The following SHISA8 variants were observed in gnomAD, a reference collection of about 807,000 sequenced individuals.
The protein encoded by SHISA8 is shisa family member 8, also known as protein shisa-8.
Under a neutral mutation model 21.1 loss-of-function variants are expected in SHISA8, and 21 were observed. That is an observed-to-expected ratio of 0.99 (90% CI 0.71 to 1.43). SHISA8 has a LOEUF of 1.43. Ranked by LOEUF, SHISA8 falls within the 40% of genes most tolerant of loss-of-function variation. The pLI, the probability that SHISA8 is intolerant of heterozygous loss-of-function variation, is 0.00. For missense variants in SHISA8, 535 were observed against 599.1 expected (o/e 0.89, Z 1.12); for synonymous variants, 300 against 291.4 (o/e 1.03, Z -0.30).
At position 41,914,503 on chromosome 22, in the gene SHISA8, C is replaced by T. The variant is rs1452802199; in HGVS notation, c.165G>A (p.Glu55=). 7.9e-7 allele frequency: 1 copy of T among 1,261,880 alleles called. No homozygotes were observed. The highest frequency in any genetic ancestry group is 1.0e-6 in the Non-Finnish European group (1 of 1,003,088). The allele number at this position is 1,261,880 out of a possible 1,614,324, so 78.2% of individuals were successfully genotyped here. A position where few individuals can be genotyped will look rare whatever the true frequency, so the allele number is the denominator to read the frequency against. Residue 55 remains glutamate (E), a synonymous_variant, in exon 1 of 4, where the codon GAG becomes GAA. Transcript: ENST00000621082. This position sits in a 1 kb window ranked among gnomAD's most constrained non-coding sequence, Gnocchi z 6.8. The part of the protein sequence containing the change: ...GPAAPGTTAP[E]GGDRCRGYYD... ...AGTAGCCGCGGCAGCGGTCGCCCCC[C>T]TCCGGGGCTGTCGTGCCGGGCGCCG...
chr22:41,909,745 G>A lies in SHISA8; in HGVS notation c.*20C>T, dbSNP rs2077534113. The A allele has an allele frequency of 9.1e-6, 13 of 1,426,906 alleles. No individual in the cohort carries two copies. Among genetic ancestry groups the A allele is most frequent in the Non-Finnish European group, 1.2e-5 (13 of 1,088,038 alleles). 88.4% of individuals were successfully genotyped at this position (1,426,906 alleles called of 1,614,324 possible). A position where few individuals can be genotyped will look rare whatever the true frequency, so the allele number is the denominator to read the frequency against. The stretch of plus-strand genomic sequence containing the variant: ...CAGACAGGACCCCAGCCCATGCCTC[G>A]AGGGCACCGCGGCCCCGCTTCACAC... On this transcript the variant is annotated 3_prime_UTR_variant, in exon 4 of 4. Transcript: ENST00000621082.
Position 41,910,322 on chromosome 22 carries a change from T to C in SHISA8, c.811+86A>G. The C allele has an allele frequency of 1.6e-6, 2 of 1,249,874 alleles. No individual in the cohort carries two copies. The highest frequency in any genetic ancestry group is 5.8e-5 in the South Asian group (2 of 34,202). 77.4% of individuals were successfully genotyped at this position (1,249,874 alleles called of 1,614,324 possible). ...CGGCGGGCGCGCGGAACTGGGAATT[T>C]GGCGCTTGGAGCTGCGGCCCCGCGC... On this transcript the variant is annotated intron_variant, in intron 3 of 3. Transcript: ENST00000621082. This position sits in a 1 kb window ranked among gnomAD's most constrained non-coding sequence, Gnocchi z 6.8.
chr22:41,914,524 C>T lies in SHISA8; in HGVS notation c.144G>A (p.Ala48=), dbSNP rs2077573505. The T allele has an allele frequency of 2.5e-6, 3 of 1,209,180 alleles. No individual in the cohort carries two copies. Among genetic ancestry groups the T allele is most frequent in the Non-Finnish European group, 3.1e-6 (3 of 973,550 alleles). The allele number at this position is 1,209,180 out of a possible 1,614,324, so 74.9% of individuals were successfully genotyped here. Residue 48 remains alanine (A), a synonymous_variant, in exon 1 of 4, where the codon GCG becomes GCA. Coordinates refer to ENST00000621082, the MANE Select transcript of SHISA8 (RefSeq NM_001207020.3). This position sits in a 1 kb window ranked among gnomAD's most constrained non-coding sequence, Gnocchi z 6.8. The stretch of plus-strand genomic sequence containing the variant: ...CCCCCTCCGGGGCTGTCGTGCCGGG[C>T]GCCGCGGGACCCTGCGCCTCGGGGG... The part of the protein sequence containing the change: ...AGAPEAQGPA[A]PGTTAPEGGD...
At position 41,914,343 on chromosome 22, in the gene SHISA8, A is replaced by C. The variant is rs955119469; in HGVS notation, c.325T>G (p.Tyr109Asp). The C allele has an allele frequency of 8.1e-7, 1 of 1,227,774 alleles. No individual in the cohort carries two copies. Among genetic ancestry groups the C allele is most frequent in the Non-Finnish European group, 1.0e-6 (1 of 984,296 alleles). The allele number at this position is 1,227,774 out of a possible 1,614,324, so 76.1% of individuals were successfully genotyped here. ...GTCTGGACCCAGGCCGGCGTGTCGTAGTTGGAACAGCGGCTCTGGTCGAGG... is the reference window on the plus strand; with the variant it reads ...GTCTGGACCCAGGCCGGCGTGTCGTCGTTGGAACAGCGGCTCTGGTCGAGG... ...RRLDQSRCSN[Y>D]DTPAWVQTGR... The change falls in exon 1 of 4, where the codon TAC becomes GAC. Residue 109 changes from tyrosine to aspartate, a missense_variant. Coordinates refer to ENST00000621082, the MANE Select transcript of SHISA8 (RefSeq NM_001207020.3). The surrounding 1 kb of genome is among the most constrained non-coding windows in gnomAD (Gnocchi z 6.8).
rs2077543086 is a variant in SHISA8, at chr22:41,910,485, T to C, written c.734A>G (p.Gln245Arg). 3 of 1,269,206 alleles carry C rather than the reference T, an allele frequency of 2.4e-6. No homozygotes were observed. The highest frequency in any genetic ancestry group is 3.0e-6 in the Non-Finnish European group (3 of 1,014,912). The allele number at this position is 1,269,206 out of a possible 1,614,324, so 78.6% of individuals were successfully genotyped here. A position where few individuals can be genotyped will look rare whatever the true frequency, so the allele number is the denominator to read the frequency against. The change falls in exon 3 of 4, where the codon CAG (glutamine) becomes CGG (arginine). Residue 245 changes from glutamine to arginine, a missense_variant. Transcript: ENST00000621082. The surrounding 1 kb of genome is among the most constrained non-coding windows in gnomAD (Gnocchi z 6.8). ...APGPPRGPRLQGGGSLTLQPD... is the reference protein window; with the variant it reads ...APGPPRGPRLRGGGSLTLQPD... The stretch of plus-strand genomic sequence containing the variant: ...CTGCAGCGTCAGGCTGCCGCCGCCC[T>C]GCAGCCGCGGGCCGCGCGGGGGCCC...
At chr22:41,911,519 C>T (rs1342912686) in intron 1 of SHISA8, among the ~76,000 whole-genome samples, 170 bp from the exon 2 acceptor site, 2 of 152,190 alleles carry the variant, frequency 1.3e-5, no homozygotes, top group Non-Finnish European at 2.9e-5. Flanking sequence ...CAGTATCTGC[C>T]AGCCTCACCT....
chr22:41,914,520 C>G lies in SHISA8; in HGVS notation c.148G>C (p.Gly50Arg), dbSNP rs980788512. 3 of 1,220,088 alleles carry G rather than the reference C, an allele frequency of 2.5e-6. No individual in the cohort carries two copies. Among genetic ancestry groups the G allele is most frequent in the South Asian group, 3.7e-5 (1 of 27,292 alleles). 75.6% of individuals were successfully genotyped at this position (1,220,088 alleles called of 1,614,324 possible). A position where few individuals can be genotyped will look rare whatever the true frequency, so the allele number is the denominator to read the frequency against. The change falls in exon 1 of 4, where the codon GGC (glycine) becomes CGC (arginine). Residue 50 changes from glycine to arginine, a missense_variant. Physicochemically the swap from Gly to Arg is moderately radical, Grantham distance 125. Transcript: ENST00000621082. This position sits in a 1 kb window ranked among gnomAD's most constrained non-coding sequence, Gnocchi z 6.8. ...APEAQGPAAPGTTAPEGGDRC... is the reference protein window; with the variant it reads ...APEAQGPAAPRTTAPEGGDRC... ...TCGCCCCCCTCCGGGGCTGTCGTGC[C>G]GGGCGCCGCGGGACCCTGCGCCTCG...
Position 41,910,376 on chromosome 22 carries a change from G to A in SHISA8, c.811+32C>T. The A allele has an allele frequency of 1.6e-6, 2 of 1,246,580 alleles. No homozygotes were observed. The highest frequency in any genetic ancestry group is 2.6e-5 in the South Asian group (1 of 38,922). The allele number at this position is 1,246,580 out of a possible 1,614,324, so 77.2% of individuals were successfully genotyped here. On this transcript the variant is annotated intron_variant, in intron 3 of 3. Coordinates refer to ENST00000621082, the MANE Select transcript of SHISA8 (RefSeq NM_001207020.3). The surrounding 1 kb of genome is among the most constrained non-coding windows in gnomAD (Gnocchi z 6.8). ...GCAGTCCGGGAGCTCGTGCGCCCAG[G>A]TGCCCTGACGCTGCCCGCACCCGCC...
rs905544828 is a variant in SHISA8, at chr22:41,909,847, G to A, written c.1112C>T (p.Pro371Leu). 66 of 1,530,234 alleles carry A rather than the reference G, an allele frequency of 4.3e-5. No homozygotes were observed. Among genetic ancestry groups the A allele is most frequent in the Non-Finnish European group, 5.4e-5 (62 of 1,144,484 alleles). The allele number at this position is 1,530,234 out of a possible 1,614,324, so 94.8% of individuals were successfully genotyped here. The change falls in exon 4 of 4, where the codon CCG becomes CTG. Residue 371 changes from proline (P) to leucine (L), a missense_variant. Transcript: ENST00000621082. ...FSVKMPETFN[P>L]QLPGLYGSAG... is the part of the protein sequence containing the mutation. ...GCTGCCGTAAAGGCCGGGGAGCTGCGGGTTGAAGGTCTCAGGCATCTTCAC... is the reference window on the plus strand; with the variant it reads ...GCTGCCGTAAAGGCCGGGGAGCTGCAGGTTGAAGGTCTCAGGCATCTTCAC...
rs1430553784 is a variant in SHISA8 at position 41,914,968 on chromosome 22, C to T, written c.-301G>A. 6.6e-6 allele frequency among the ~76,000 whole-genome samples: 1 copy of T among 151,696 alleles called. No individual in the cohort carries two copies. The highest frequency in any genetic ancestry group is 2.4e-5 in the African/African-American group (1 of 41,374). Reference sequence around the variant, plus strand: ...CTGCGCGCGGCCCCCGGCTTCTCCCCGGCCCGGCAGGTGTGCGGGTCTTGG... The same window carrying T: ...CTGCGCGCGGCCCCCGGCTTCTCCCTGGCCCGGCAGGTGTGCGGGTCTTGG... On this transcript the variant is annotated 5_prime_UTR_variant, in exon 1 of 4. Coordinates refer to ENST00000621082, the MANE Select transcript of SHISA8 (RefSeq NM_001207020.3). The surrounding 1 kb of genome is among the most constrained non-coding windows in gnomAD (Gnocchi z 6.8).
rs1347224877 is a variant in SHISA8 at position 41,910,047 on chromosome 22, C to T, written c.912G>A (p.Ala304=). 4.8e-6 allele frequency: 6 copies of T among 1,254,972 alleles called. No homozygotes were observed. Among genetic ancestry groups the T allele is most frequent in the Non-Finnish European group, 6.0e-6 (6 of 1,005,178 alleles). 77.7% of individuals were successfully genotyped at this position (1,254,972 alleles called of 1,614,324 possible). A position where few individuals can be genotyped will look rare whatever the true frequency, so the allele number is the denominator to read the frequency against. The change falls in exon 4 of 4, where the codon GCG becomes GCA. Residue 304 remains alanine (A), a synonymous_variant. Coordinates refer to ENST00000621082, the MANE Select transcript of SHISA8 (RefSeq NM_001207020.3). This position sits in a 1 kb window ranked among gnomAD's most constrained non-coding sequence, Gnocchi z 6.8. ...GGGCCCAGGGGCAGGCGTCCAGCGGCGCAGGCAAGTCCGGGGATGGTCGCG... is the reference window on the plus strand; with the variant it reads ...GGGCCCAGGGGCAGGCGTCCAGCGGTGCAGGCAAGTCCGGGGATGGTCGCG... The part of the protein sequence containing the change: ...RAPRPSPDLP[A]PLDACPWAPP...
chr22:41,914,095 A>G lies in SHISA8; in HGVS notation c.530+43T>C. On this transcript the variant is annotated intron_variant, in intron 1 of 3. Transcript: ENST00000621082. The surrounding 1 kb of genome is among the most constrained non-coding windows in gnomAD (Gnocchi z 6.8). ...GGAAGGATCAGCGGGCAGGGAGAGC[A>G]GTCCGAGGAGCAGGCGGGGGTCCCT... 2 of 1,353,662 alleles carry G rather than the reference A, an allele frequency of 1.5e-6. No individual in the cohort carries two copies. Among genetic ancestry groups the G allele is most frequent in the Non-Finnish European group, 1.9e-6 (2 of 1,057,734 alleles). 83.9% of individuals were successfully genotyped at this position (1,353,662 alleles called of 1,614,324 possible). A position where few individuals can be genotyped will look rare whatever the true frequency, so the allele number is the denominator to read the frequency against.
chr22:41,910,661 G>A lies in SHISA8; in HGVS notation c.665-107C>T, dbSNP rs1037400618. 12 of 1,171,552 alleles carry A rather than the reference G, an allele frequency of 1.0e-5. No individual in the cohort carries two copies. In the African/African-American group the frequency reaches 1.8e-4, roughly 17 times the overall value. The allele number at this position is 1,171,552 out of a possible 1,614,324, so 72.6% of individuals were successfully genotyped here. ...CCGAGGCCGTTCGGTGAGAACCTGG[G>A]GGACCGTTCTCCGGGCGAGGCTGCG... is the stretch of plus-strand genomic sequence containing the variant. On this transcript the variant is annotated intron_variant, in intron 2 of 3. Transcript: ENST00000621082. This position sits in a 1 kb window ranked among gnomAD's most constrained non-coding sequence, Gnocchi z 6.8.
At chr22:41,912,035 A>ACAGG (rs1344992267) in intron 1 of SHISA8, among the ~76,000 whole-genome samples, 1 of 152,168 alleles carries the variant, frequency 6.6e-6, no homozygotes, top group East Asian at 1.9e-4. Context: ...CCGGCCCAGG[A>ACAGG]TGCCTTATTT....
chr22:41,913,851 A>G (rs368744976), intron 1 of SHISA8, among the ~76,000 whole-genome samples: 191 of 152,060 alleles, frequency 1.3e-3, no homozygotes, highest in African/African-American at 4.4e-3. Context: ...GTGCAAGGCT[A>G]CCTGTCCCCC....
At position 41,909,990 on chromosome 22, in the gene SHISA8, G is replaced by T. The variant is rs556563500; in HGVS notation, c.969C>A (p.Gly323=). Residue 323 remains glycine, a synonymous_variant, in exon 4 of 4, where the codon GGC becomes GGA. Transcript: ENST00000621082. Reference sequence around the variant, plus strand: ...GACTGGAGGTCCAGGCGGCATAGGGGCCCGGCGCGGCAGGGGGCGCGTAGA... The same window carrying T: ...GACTGGAGGTCCAGGCGGCATAGGGTCCCGGCGCGGCAGGGGGCGCGTAGA... ...PPVYAPPAAP[G]PYAAWTSSRP... 8 of 1,320,296 alleles carry T rather than the reference G, an allele frequency of 6.1e-6. No individual in the cohort carries two copies. In the Admixed American group the frequency reaches 2.1e-4, roughly 34 times the overall value. The allele number at this position is 1,320,296 out of a possible 1,614,324, so 81.8% of individuals were successfully genotyped here. A position where few individuals can be genotyped will look rare whatever the true frequency, so the allele number is the denominator to read the frequency against.
chr22:41,911,544 G>A (rs2146575651), intron 1 of SHISA8, among the ~76,000 whole-genome samples, 195 bp from the exon 2 acceptor site: 1 of 152,270 alleles, frequency 6.6e-6, no homozygotes, highest in East Asian at 1.9e-4. Context: ...CCCCAAGACA[G>A]CTGCTTCCCA....
At position 41,914,444 on chromosome 22, in the gene SHISA8, T is replaced by C; in HGVS notation, c.224A>G (p.Asn75Ser). The change falls in exon 1 of 4, where the codon AAC (asparagine) becomes AGC (serine). Residue 75 changes from asparagine (N) to serine (S), a missense_variant. Coordinates refer to ENST00000621082, the MANE Select transcript of SHISA8 (RefSeq NM_001207020.3). The surrounding 1 kb of genome is among the most constrained non-coding windows in gnomAD (Gnocchi z 6.8). ...GAAGCTGTAGGCTCCGGAGCTGCAGTTGAAGGGCGGGTCCCACTGGCCCAT... is the reference window on the plus strand; with the variant it reads ...GAAGCTGTAGGCTCCGGAGCTGCAGCTGAAGGGCGGGTCCCACTGGCCCAT... Reference protein sequence around the residue: ...DVMGQWDPPFNCSSGAYSFCC... With the variant: ...DVMGQWDPPFSCSSGAYSFCC... 4 of 1,359,362 alleles carry C rather than the reference T, an allele frequency of 2.9e-6. No individual in the cohort carries two copies. Among genetic ancestry groups the C allele is most frequent in the Non-Finnish European group, 1.9e-6 (2 of 1,052,190 alleles). The allele number at this position is 1,359,362 out of a possible 1,614,324, so 84.2% of individuals were successfully genotyped here.
intron 1 of SHISA8, among the ~76,000 whole-genome samples, 199 bp downstream of exon 1, chr22:41,913,939 G>C (rs1223062841): frequency 1.3e-5 from 2 of 150,960 alleles, no homozygotes; most frequent in Non-Finnish European, 3.0e-5. Context: ...AGCACGGGCA[G>C]AAGGTCAAAG....
Sources: allele counts gnomAD v4.1 joint callset (sites outside exome capture counted in the v4.1 genomes callset), GRCh38; gene constraint gnomAD v4.1.1; non-coding constraint Gnocchi (gnomAD v3.1); transcripts MANE v1.5; gene names NCBI Gene and HGNC (gene_info 2026-07-23, HGNC 2026-07-21).